The following OLFML2A variants were observed in gnomAD, a reference collection of about 807,000 sequenced individuals.
OLFML2A encodes olfactomedin like 2A, also known as olfactomedin-like protein 2A.
Under a neutral mutation model 60.9 loss-of-function variants are expected in OLFML2A, and 47 were observed. The observed-to-expected ratio is 0.77, with a 90% CI of 0.61 to 0.98. The LOEUF is 0.98. Among genes scored for constraint, OLFML2A ranks in the 50% least tolerant of loss-of-function variants. The pLI is 0.00. For missense variants in OLFML2A, 922 were observed against 879.8 expected (o/e 1.05, Z -0.61); for synonymous variants, 372 against 375.0 (o/e 0.99, Z 0.09).
chr9:124,809,053 G>A (rs1402027099), intron 7 of OLFML2A, among the ~76,000 whole-genome samples: 3 of 151,844 alleles, frequency 2.0e-5, no homozygotes, highest in African/African-American at 7.3e-5. Flanking sequence ...TGTAATCCCA[G>A]CTACTTGGGA....
intron 5 of OLFML2A, among the ~76,000 whole-genome samples, chr9:124,803,822 G>T (rs377103119): frequency 1.3e-4 from 20 of 152,228 alleles, no homozygotes; most frequent in African/African-American, 4.8e-4. Context: ...GTCCAGCATG[G>T]TGGGCTCCTG....
At chr9:124,797,226 C>T (rs1280787464) in intron 3 of OLFML2A, among the ~76,000 whole-genome samples, 1 of 152,234 alleles carries the variant, frequency 6.6e-6, no homozygotes, top group African/African-American at 2.4e-5. Context: ...AGCGATCCTC[C>T]TGCCTTGGCC....
intron 1 of OLFML2A, among the ~76,000 whole-genome samples, chr9:124,781,804 A>AG (rs1841364863): frequency 6.6e-6 from 1 of 152,086 alleles, no homozygotes. Flanking sequence ...AAAAAAAAAA[A>AG]AAAGACACAA....
intron 2 of OLFML2A, among the ~76,000 whole-genome samples, chr9:124,792,018 A>G (rs1002238588): frequency 6.6e-6 from 1 of 152,062 alleles, no homozygotes; most frequent in Non-Finnish European, 1.5e-5. Context: ...TGCTCCCTTT[A>G]CTTCACATGT....
intron 1 of OLFML2A, among the ~76,000 whole-genome samples, chr9:124,782,171 A>G (rs74444911): frequency 0.018 from 2,807 of 152,296 alleles, 78 homozygotes; most frequent in African/African-American, 0.06. Flanking sequence ...GTCCCAGCCC[A>G]ATTGCTCAGG....
intron 4 of OLFML2A, among the ~76,000 whole-genome samples, chr9:124,799,940 C>G (rs189517242): frequency 1.9e-3 from 282 of 152,312 alleles, no homozygotes; most frequent in African/African-American, 5.9e-3. Context: ...ACCCATTCAT[C>G]CAACCCACCC....
intron 7 of OLFML2A, among the ~76,000 whole-genome samples, chr9:124,808,308 C>A (rs916852567): frequency 1.3e-5 from 2 of 152,216 alleles, no homozygotes; most frequent in East Asian, 3.9e-4. Flanking sequence ...TCTCGCCCCC[C>A]GTGTATCAGC....
rs1300895328 is a variant in OLFML2A, at chr9:124,811,656, A to T, written c.*1244A>T. On this transcript the variant is annotated 3_prime_UTR_variant, in exon 8 of 8. Coordinates refer to ENST00000373580, the MANE Select transcript of OLFML2A (RefSeq NM_182487.4). ...GAAGAACTGAGGGTCTGCAGACTGG[A>T]CTTTTCCTGGCTCGACCCAGGACTT... 1 of 152,154 alleles carries T rather than the reference A, an allele frequency of 6.6e-6. No individual in the cohort carries two copies. The highest frequency in any genetic ancestry group is 2.4e-5 in the African/African-American group (1 of 41,406). 9.4% of individuals were successfully genotyped at this position (152,154 alleles called of 1,614,324 possible).
chr9:124,809,290 G>C (rs1446103036), intron 7 of OLFML2A, among the ~76,000 whole-genome samples: 1 of 152,222 alleles, frequency 6.6e-6, no homozygotes, highest in African/African-American at 2.4e-5. Context: ...TAAGTATCAA[G>C]ATGAAGGCTT....
At position 124,809,840 on chromosome 9, in the gene OLFML2A, A is replaced by C. The variant is rs1841967364; in HGVS notation, c.1387A>C (p.Asn463His). The change falls in exon 8 of 8, where the codon AAC becomes CAC. Residue 463 changes from asparagine to histidine, a missense_variant. Coordinates refer to ENST00000373580, the MANE Select transcript of OLFML2A (RefSeq NM_182487.4). ...GAGTAACATGTACAAGCTACCCTAC[A>C]ACTGGATCGGCACAGGCCACGTGGT... ...RWSNMYKLPY[N>H]WIGTGHVVYQ... 1.9e-6 allele frequency: 3 copies of C among 1,612,876 alleles called. No individual in the cohort carries two copies. Among genetic ancestry groups the C allele is most frequent in the African/African-American group, 1.3e-5 (1 of 75,010 alleles).
At chr9:124,781,852 G>A (rs919688304) in intron 1 of OLFML2A, among the ~76,000 whole-genome samples, 1 of 151,374 alleles carries the variant, frequency 6.6e-6, no homozygotes, top group Non-Finnish European at 1.5e-5. Flanking sequence ...TTCACAGCTT[G>A]AATGCCCTCT....
In OLFML2A at chr9:124,779,547, T is replaced by TGGG. The variant is rs33992732; in HGVS notation, c.90+2195_90+2197dup. On this transcript the variant is annotated intron_variant, in intron 1 of 7. Coordinates refer to ENST00000373580, the MANE Select transcript of OLFML2A (RefSeq NM_182487.4). The surrounding 1 kb of genome is among the most constrained non-coding windows in gnomAD (Gnocchi z 4.1). ...CTTGCTAGGTTGTGTGTGTGTGTGGTGGGGGGGGGGTGTTTAGCTGTCCCA... is the reference window on the plus strand; with the variant it reads ...CTTGCTAGGTTGTGTGTGTGTGTGGTGGGGGGGGGGGGGTGTTTAGCTGTCCCA... Among the ~76,000 whole-genome samples, 4 of 133,264 alleles carry TGGG rather than the reference T, an allele frequency of 3.0e-5. No homozygotes were observed. In the South Asian group the frequency reaches 7.4e-4, roughly 25 times the overall value. The allele number at this position is 133,264 out of a possible 152,430, so 87.4% of individuals were successfully genotyped here. A position where few individuals can be genotyped will look rare whatever the true frequency, so the allele number is the denominator to read the frequency against.
chr9:124,812,264 G>A lies in OLFML2A; in HGVS notation c.*1852G>A, dbSNP rs184448348. On this transcript the variant is annotated 3_prime_UTR_variant, in exon 8 of 8. Transcript: ENST00000373580. Reference sequence around the variant, plus strand: ...CAACCTCTGCCCCCTGGGTTCAAGCGATTCTCCTGCCTCAGCCTCCCTAGT... The same window carrying A: ...CAACCTCTGCCCCCTGGGTTCAAGCAATTCTCCTGCCTCAGCCTCCCTAGT... 1,009 of 151,788 alleles carry A rather than the reference G, an allele frequency of 6.6e-3. 7 individuals are homozygous for A. Among genetic ancestry groups the A allele is most frequent in the Middle Eastern group, 0.02 (6 of 302 alleles). 9.4% of individuals were successfully genotyped at this position (151,788 alleles called of 1,614,324 possible).
rs746934790 is a variant in OLFML2A at position 124,804,252 on chromosome 9, GCCACCACCA to G, written c.1084_1092del (p.Thr362_Thr364del). ...TTCTGGCACCCCCACTTCAATCCCT[GCCACCACCA>G]CCACCGCCACCACCACCCCAACCCC... On this transcript the variant is annotated inframe_deletion, in exon 6 of 8. Coordinates refer to ENST00000373580, the MANE Select transcript of OLFML2A (RefSeq NM_182487.4). The G allele has an allele frequency of 6.2e-7, 1 of 1,606,754 alleles. No individual in the cohort carries two copies. Among genetic ancestry groups the G allele is most frequent in the Non-Finnish European group, 8.5e-7 (1 of 1,175,766 alleles).
chr9:124,795,790 G>A (rs1024065177), intron 3 of OLFML2A, among the ~76,000 whole-genome samples: 1 of 152,152 alleles, frequency 6.6e-6, no homozygotes. Flanking sequence ...ATACCTTGTC[G>A]GAGTGCCCCC....
chr9:124,803,453 C>G (rs1841821747), intron 5 of OLFML2A, among the ~76,000 whole-genome samples: 1 of 151,966 alleles, frequency 6.6e-6, no homozygotes, highest in African/African-American at 2.4e-5. Flanking sequence ...TTAGTAGAGA[C>G]AGGGTTTTGC....
At chr9:124,793,872 C>G (rs1337142381) in intron 2 of OLFML2A, among the ~76,000 whole-genome samples, 2 of 152,160 alleles carry the variant, frequency 1.3e-5, no homozygotes, top group Admixed American at 1.3e-4. Context: ...GATCCCATCT[C>G]TACAAAACAT....
chr9:124,785,498 T>C (rs920639608), intron 1 of OLFML2A, among the ~76,000 whole-genome samples: 1 of 146,074 alleles, frequency 6.8e-6, no homozygotes, highest in African/African-American at 2.5e-5. Flanking sequence ...CCCGGGTTCA[T>C]GCCATTCTCC....
intron 2 of OLFML2A, among the ~76,000 whole-genome samples, chr9:124,791,944 C>G (rs1332184397): frequency 6.6e-6 from 1 of 152,132 alleles, no homozygotes; most frequent in South Asian, 2.1e-4. Flanking sequence ...CTCAGCAGAT[C>G]GCACATTGAG....
Sources: gnomAD v4.1 joint callset for allele counts (sites outside exome capture counted in the v4.1 genomes callset) on GRCh38, gnomAD v4.1.1 for gene constraint, Gnocchi (gnomAD v3.1) non-coding constraint, MANE v1.5 for transcripts, NCBI Gene and HGNC (gene_info 2026-07-23, HGNC 2026-07-21) for gene names.